DNAH9: variants seen among roughly 807,000 people sequenced by gnomAD.
DNAH9 encodes DNAH9 variant protein.
A neutral mutation model predicts 471.6 loss-of-function variants in DNAH9; 345 were observed. The observed-to-expected ratio is 0.73, with a 90% CI of 0.67 to 0.80. The LOEUF is 0.80. DNAH9 is among the 30% of genes least tolerant of loss of function. DNAH9 has a pLI of 0.00. For synonymous variants in DNAH9, 2,093 were observed against 2,123.6 expected (o/e 0.99, Z 0.40); for missense variants, 5,407 against 5,609.2 (o/e 0.96, Z 1.15).
intron 45 of DNAH9, among the ~76,000 whole-genome samples, chr17:11,814,405 T>C (rs910785379): frequency 6.6e-6 from 1 of 152,174 alleles, no homozygotes; most frequent in Non-Finnish European, 1.5e-5. Context: ...CTATGACAGA[T>C]TTTGTATTTT....
intron 43 of DNAH9, among the ~76,000 whole-genome samples, chr17:11,802,277 A>G (rs939808518): frequency 6.6e-6 from 1 of 152,036 alleles, no homozygotes; most frequent in Non-Finnish European, 1.5e-5. Flanking sequence ...GGAAGACTCT[A>G]TGGCCTCACA....
chr17:11,833,231 G>A (rs1970733377), intron 48 of DNAH9, among the ~76,000 whole-genome samples: 1 of 152,204 alleles, frequency 6.6e-6, no homozygotes. Flanking sequence ...TCAGAGGCTG[G>A]GCTGGATGGG....
chr17:11,761,372 G>A (rs1296138248), intron 35 of DNAH9, among the ~76,000 whole-genome samples: 2 of 152,216 alleles, frequency 1.3e-5, no homozygotes, highest in Non-Finnish European at 1.5e-5. Context: ...ACCCATCGCT[G>A]TAAAAGCGGG....
At chr17:11,739,201 G>T (rs913152195) in intron 29 of DNAH9, among the ~76,000 whole-genome samples, 164 bp downstream of exon 29, 14 of 152,130 alleles carry the variant, frequency 9.2e-5, no homozygotes, top group African/African-American at 3.4e-4. Context: ...ATTGCTTTTT[G>T]CTTAATTGTG....
intron 67 of DNAH9, among the ~76,000 whole-genome samples, chr17:11,958,462 G>A (rs978508354): frequency 6.6e-6 from 1 of 152,184 alleles, no homozygotes; most frequent in Non-Finnish European, 1.5e-5. Flanking sequence ...GCATTAAACT[G>A]TAATGATACA....
At chr17:11,939,598 G>C (rs1974831150) in intron 66 of DNAH9, among the ~76,000 whole-genome samples, 1 of 152,112 alleles carries the variant, frequency 6.6e-6, no homozygotes, top group Non-Finnish European at 1.5e-5. Flanking sequence ...CCACACCGCA[G>C]GTCAGCTCAA....
intron 43 of DNAH9, among the ~76,000 whole-genome samples, chr17:11,800,088 C>A (rs1483417340): frequency 1.3e-5 from 2 of 152,208 alleles, no homozygotes; most frequent in Non-Finnish European, 2.9e-5. Flanking sequence ...CATTTTCCTT[C>A]TCTTTTCAAA....
chr17:11,949,504 G>A (rs572666107), intron 67 of DNAH9, among the ~76,000 whole-genome samples: 53 of 151,166 alleles, frequency 3.5e-4, no homozygotes, highest in Non-Finnish European at 4.3e-4. Flanking sequence ...TCTTTGAGAC[G>A]GAGTTTTGCT....
At chr17:11,673,299 A>G (rs1447193219) in intron 17 of DNAH9, among the ~76,000 whole-genome samples, 2 of 152,102 alleles carry the variant, frequency 1.3e-5, no homozygotes, top group African/African-American at 4.8e-5. Context: ...AAATCTACCA[A>G]CATGCCTGCA....
intron 26 of DNAH9, among the ~76,000 whole-genome samples, chr17:11,709,074 G>A (rs572784808): frequency 4.6e-5 from 7 of 152,270 alleles, no homozygotes; most frequent in East Asian, 1.9e-4. Flanking sequence ...CTGGGCCTTC[G>A]CAGTCGCCCA....
At chr17:11,616,791 TA>T (rs775031461) in intron 4 of DNAH9, among the ~76,000 whole-genome samples, 1 of 152,224 alleles carries the variant, frequency 6.6e-6, no homozygotes, top group Non-Finnish European at 1.5e-5. Flanking sequence ...GAACAATGGG[TA>T]CACTTGGACA....
intron 1 of DNAH9, among the ~76,000 whole-genome samples, chr17:11,606,936 C>G (rs1290981780): frequency 6.6e-6 from 1 of 152,140 alleles, no homozygotes; most frequent in Non-Finnish European, 1.5e-5. Context: ...CTTGAAAAGT[C>G]ACATAAGACA....
At chr17:11,667,131 C>T (rs529690047) in intron 15 of DNAH9, among the ~76,000 whole-genome samples, 146 of 152,276 alleles carry the variant, frequency 9.6e-4, no homozygotes, top group South Asian at 2.5e-3. Context: ...ACAAAAATCT[C>T]ATACAGTCAA....
At chr17:11,803,983 G>C (rs1256192750) in intron 43 of DNAH9, among the ~76,000 whole-genome samples, 1 of 152,218 alleles carries the variant, frequency 6.6e-6, no homozygotes, top group Non-Finnish European at 1.5e-5. Flanking sequence ...CCAGCGTAAT[G>C]AATCATTGCG....
At chr17:11,665,827 T>C (rs538508081) in intron 15 of DNAH9, among the ~76,000 whole-genome samples, 1 of 152,314 alleles carries the variant, frequency 6.6e-6, no homozygotes, top group Admixed American at 6.5e-5. Context: ...AATGAAATAC[T>C]GATGTAAAAT....
intron 66 of DNAH9, among the ~76,000 whole-genome samples, chr17:11,941,357 C>T (rs899801809): frequency 6.6e-6 from 1 of 152,192 alleles, no homozygotes; most frequent in Non-Finnish European, 1.5e-5. Context: ...TCTGTCCCAA[C>T]CTGCTGGCTG....
At chr17:11,937,000 G>A (rs887025577) in intron 65 of DNAH9, among the ~76,000 whole-genome samples, 4 of 152,164 alleles carry the variant, frequency 2.6e-5, no homozygotes, top group Non-Finnish European at 5.9e-5. Flanking sequence ...GGAGGGATTC[G>A]TATTTTTGAA....
intron 61 of DNAH9, among the ~76,000 whole-genome samples, chr17:11,921,095 C>T (rs1188884514): frequency 6.6e-6 from 1 of 151,576 alleles, no homozygotes; most frequent in African/African-American, 2.4e-5. Flanking sequence ...GAGGTGAGAT[C>T]GTACCACTGC....
intron 14 of DNAH9, among the ~76,000 whole-genome samples, chr17:11,663,645 C>T (rs561978317): frequency 9.2e-5 from 14 of 152,254 alleles, no homozygotes; most frequent in African/African-American, 3.4e-4. Flanking sequence ...AATTCCAACA[C>T]GTTTGTTTCT....
Sources: gnomAD v4.1 joint callset for allele counts (sites outside exome capture counted in the v4.1 genomes callset) on GRCh38, gnomAD v4.1.1 for gene constraint, MANE v1.5 for transcripts, NCBI Gene and HGNC (gene_info 2026-07-23, HGNC 2026-07-21) for gene names.